The following SASH1 variants were observed in gnomAD, a reference collection of about 807,000 sequenced individuals.
The protein encoded by SASH1 is SAM and SH3 domain-containing protein 1.
A neutral mutation model predicts 125.2 loss-of-function variants in SASH1; 44 were observed. The observed-to-expected ratio is 0.35, with a 90% confidence interval of 0.28 to 0.45. The LOEUF (loss-of-function observed/expected upper bound fraction) is 0.45, where lower values mean the gene tolerates loss of function less well. Ranked by LOEUF, SASH1 falls within the 20% of genes least tolerant of loss-of-function variation. The pLI, the probability that SASH1 is intolerant of heterozygous loss-of-function variation, is 1.00. For missense variants in SASH1, 1,426 were observed against 1,614.5 expected, an observed-to-expected ratio of 0.88 and a Z score of 2.00; for synonymous variants, 639 against 649.1, an observed-to-expected ratio of 0.98 and a Z score of 0.24.
chr6:148,542,880 G>A (rs1219080734), intron 17 of SASH1, among the ~76,000 whole-genome samples: 1 of 143,022 alleles, frequency 7.0e-6, no homozygotes, highest in Non-Finnish European at 1.5e-5. Flanking sequence ...GTGTGTGTGT[G>A]CGCGCGCACA....
chr6:148,509,011 G>T (rs147643224), intron 8 of SASH1: 4 of 482,374 alleles, frequency 8.3e-6, no homozygotes, highest in Non-Finnish European at 7.7e-6. Context: ...GTCCTTCTTC[G>T]CCTGTTTACT....
intron 2 of SASH1, among the ~76,000 whole-genome samples, chr6:148,421,146 G>GAAGGAAGAAGA (rs1554254949): frequency 2.8e-5 from 2 of 71,192 alleles, no homozygotes; most frequent in Non-Finnish European, 6.2e-5. Flanking sequence ...AGGAAGGAAG[G>GAAGGAAGAAGA]AAGAAAGAAA....
intron 18 of SASH1, among the ~76,000 whole-genome samples, chr6:148,545,188 A>T (rs1052376293): frequency 6.6e-6 from 1 of 152,210 alleles, no homozygotes; most frequent in African/African-American, 2.4e-5. Flanking sequence ...TACCAAAAAC[A>T]TTTAGCTGTA....
Position 148,387,640 on chromosome 6 carries a change from CTTTCTTTCTTTCTTTCTTTCTTTCTTTCT to C in SASH1, c.157-2491_157-2463del, listed in dbSNP as rs1783499917. On this transcript the variant is annotated intron_variant, in intron 1 of 19. Transcript: ENST00000367467. ...TCTTTCTTTCTTTCTTTCTTTCTTTCTTTCTTTCTTTCTTTCTTTCTTTCTTTCTTTCTTTCTTTCTTTCTTTCTTTCGG... is the reference window on the plus strand; with the variant it reads ...TCTTTCTTTCTTTCTTTCTTTCTTTCTTCTTTCTTTCTTTCTTTCTTTCGG... Among the ~76,000 whole-genome samples, 4 of 40,322 alleles carry C rather than the reference CTTTCTTTCTTTCTTTCTTTCTTTCTTTCT, an allele frequency of 9.9e-5. No individual in the cohort carries two copies. The South Asian group carries it at 4.5e-3, about 45-fold the overall frequency. The allele number at this position is 40,322 out of a possible 152,430, so 26.5% of individuals were successfully genotyped here. A position where few individuals can be genotyped will look rare whatever the true frequency, so the allele number is the denominator to read the frequency against.
intron 1 of SASH1, among the ~76,000 whole-genome samples, chr6:148,336,201 T>G (rs796105066): frequency 0.017 from 2,044 of 122,396 alleles, 11 homozygotes; most frequent in Non-Finnish European, 0.022. Flanking sequence ...TTTTTTTTTT[T>G]GAGACAGAGT....
At chr6:148,260,862 T>C in the SASH1 span, among the ~76,000 whole-genome samples, 1 of 142,244 alleles carries the variant, frequency 7.0e-6, no homozygotes, top group African/African-American at 2.7e-5. Context: ...AGTGCAGTGG[T>C]GCAATCTTGG....
At chr6:148,238,543 A>G in the SASH1 span, among the ~76,000 whole-genome samples, 3 of 151,786 alleles carry the variant, frequency 2.0e-5, no homozygotes, top group African/African-American at 7.3e-5. Context: ...CTTTTAATAT[A>G]CCATATGAAG....
intron 2 of SASH1, among the ~76,000 whole-genome samples, chr6:148,411,301 C>T (rs975029179): frequency 2.6e-5 from 4 of 151,372 alleles, no homozygotes; most frequent in Non-Finnish European, 5.9e-5. Flanking sequence ...TTGATTGAGC[C>T]TTACAGGTAC....
At chr6:148,237,892 C>A in the SASH1 span, among the ~76,000 whole-genome samples, 5 of 152,162 alleles carry the variant, frequency 3.3e-5, no homozygotes, top group African/African-American at 7.2e-5. Flanking sequence ...GCTGTTCCTG[C>A]TTTATGACGG....
At chr6:148,548,235 C>T (rs1782672718) in intron 19 of SASH1, 60 bp from the exon 20 acceptor site, 12 of 1,486,788 alleles carry the variant, frequency 8.1e-6, no homozygotes, top group East Asian at 2.3e-5. Context: ...TAGACATACG[C>T]GAAGTAGTCC....
chr6:148,432,332 G>A (rs533669249), intron 2 of SASH1, among the ~76,000 whole-genome samples: 26 of 152,264 alleles, frequency 1.7e-4, no homozygotes, highest in African/African-American at 6.0e-4. Context: ...TGGTTTATCT[G>A]TTACTTGGTA....
chr6:148,286,226 A>G (rs983504590), intron 1 of SASH1, among the ~76,000 whole-genome samples: 6 of 151,940 alleles, frequency 3.9e-5, no homozygotes, highest in Non-Finnish European at 7.4e-5. Flanking sequence ...AAAAAAAAAA[A>G]TAAAATAATT....
the SASH1 span, among the ~76,000 whole-genome samples, chr6:148,200,762 G>A: frequency 6.6e-6 from 1 of 152,202 alleles, no homozygotes; most frequent in Non-Finnish European, 1.5e-5. Context: ...ATTTTACAGG[G>A]CATTTACAAT....
chr6:148,213,242 T>C, the SASH1 span, among the ~76,000 whole-genome samples: 7 of 152,084 alleles, frequency 4.6e-5, no homozygotes, highest in African/African-American at 1.7e-4. Flanking sequence ...CTTTGCAAAC[T>C]TGATGAGAAG....
intron 1 of SASH1, among the ~76,000 whole-genome samples, chr6:148,386,944 G>A (rs1562369981): frequency 6.6e-6 from 1 of 152,140 alleles, no homozygotes; most frequent in East Asian, 1.9e-4. Context: ...ATCCCTAGGT[G>A]AATCAAGGAG....
In SASH1 at chr6:148,414,471, T is replaced by C. The variant is rs112373499; in HGVS notation, c.285+24209T>C. Among the ~76,000 whole-genome samples the C allele has an allele frequency of 1.8e-3, 273 of 152,238 alleles. 1 individual carries two copies. Among genetic ancestry groups the C allele is most frequent in the Middle Eastern group, 0.017 (5 of 294 alleles). On this transcript the variant is annotated intron_variant, in intron 2 of 19. Transcript: ENST00000367467. Reference sequence around the variant, plus strand: ...TTTAGTCTCTCTGAGCTTCAGGTTCTCTTTCTGTAAGGAGATAAACACCAT... The same window carrying C: ...TTTAGTCTCTCTGAGCTTCAGGTTCCCTTTCTGTAAGGAGATAAACACCAT...
chr6:148,316,966 C>T (rs1233923252), intron 1 of SASH1, among the ~76,000 whole-genome samples: 1 of 152,162 alleles, frequency 6.6e-6, no homozygotes, highest in Non-Finnish European at 1.5e-5. Context: ...ACTGCCATTT[C>T]TGCCTTGAGG....
At chr6:148,200,907 CT>C in the SASH1 span, among the ~76,000 whole-genome samples, 1 of 152,198 alleles carries the variant, frequency 6.6e-6, no homozygotes, top group African/African-American at 2.4e-5. Context: ...TGACTGCTTT[CT>C]TTTATTCTGG....
chr6:148,287,432 A>G (rs1779509320), intron 1 of SASH1, among the ~76,000 whole-genome samples: 1 of 152,072 alleles, frequency 6.6e-6, no homozygotes, highest in Admixed American at 6.6e-5. Context: ...CATCTTTTCC[A>G]GGATCCTTTG....
Sources: gnomAD v4.1 joint callset for allele counts (sites outside exome capture counted in the v4.1 genomes callset) on GRCh38, gnomAD v4.1.1 for gene constraint, MANE v1.5 for transcripts, NCBI Gene and HGNC (gene_info 2026-07-23, HGNC 2026-07-21) for gene names.